Variants in YIPF4 observed in about 807,000 individuals in gnomAD.
YIPF4 encodes protein YIPF4.
Under a neutral mutation model 29.4 loss-of-function variants are expected in YIPF4, and 18 were observed. The observed-to-expected ratio is 0.61, with a 90% CI of 0.42 to 0.91. YIPF4 has a LOEUF of 0.91. Ranked by LOEUF, YIPF4 falls within the 40% of genes least tolerant of loss-of-function variation. The pLI, the probability that YIPF4 is intolerant of heterozygous loss-of-function variation, is 0.00. For synonymous variants in YIPF4, 115 were observed against 104.7 expected (o/e 1.10, Z -0.60); for missense variants, 279 against 282.7 (o/e 0.99, Z 0.09).
In YIPF4 at chr2:32,305,469, CT is replaced by C; in HGVS notation, c.598-14del. 6.7e-6 allele frequency: 10 copies of C among 1,483,998 alleles called. No individual in the cohort carries two copies. The highest frequency in any genetic ancestry group is 2.5e-5 in the East Asian group (1 of 40,574). The allele number at this position is 1,483,998 out of a possible 1,614,324, so 91.9% of individuals were successfully genotyped here. A position where few individuals can be genotyped will look rare whatever the true frequency, so the allele number is the denominator to read the frequency against. On this transcript the variant is annotated intron_variant, in intron 5 of 5. Coordinates refer to ENST00000238831, the MANE Select transcript of YIPF4 (RefSeq NM_032312.4). The stretch of plus-strand genomic sequence containing the variant: ...GACTTGCTAATATGCTGCCTTTTGT[CT>C]TTTTTCCTTTTTTTAAAGCTGTTTG...
chr2:32,283,276 C>A (rs769969532), intron 1 of YIPF4, among the ~76,000 whole-genome samples: 15 of 152,160 alleles, frequency 9.9e-5, no homozygotes, highest in Non-Finnish European at 1.9e-4. Context: ...CGGGTCTTTT[C>A]CCTGGTTTCT....
chr2:32,301,298 G>T, intron 4 of YIPF4, 84 bp from the exon 5 acceptor site: 2 of 803,678 alleles, frequency 2.5e-6, no homozygotes, highest in Non-Finnish European at 4.2e-6. Flanking sequence ...TTTGAATACA[G>T]CAAGGAATAT....
At chr2:32,304,926 T>A (rs2031524987) in intron 5 of YIPF4, among the ~76,000 whole-genome samples, 1 of 152,178 alleles carries the variant, frequency 6.6e-6, no homozygotes, top group Non-Finnish European at 1.5e-5. Context: ...ATCTCCTTTT[T>A]ATTCAACCCT....
intron 3 of YIPF4, among the ~76,000 whole-genome samples, chr2:32,296,027 G>C (rs1033441245): frequency 6.6e-6 from 1 of 152,142 alleles, no homozygotes; most frequent in South Asian, 2.1e-4. Context: ...ATTTACACTA[G>C]ATTAGTAGTT....
chr2:32,279,124 C>A (rs572247971), intron 1 of YIPF4, among the ~76,000 whole-genome samples: 2 of 151,958 alleles, frequency 1.3e-5, no homozygotes, highest in East Asian at 3.9e-4. Flanking sequence ...CCCGCCACCA[C>A]CCCCGACTAA....
In YIPF4 at chr2:32,314,138, A is replaced by G. The variant is rs1170317397; in HGVS notation, c.*8512A>G. On this transcript the variant is annotated 3_prime_UTR_variant, in exon 6 of 6. Coordinates refer to ENST00000238831, the MANE Select transcript of YIPF4 (RefSeq NM_032312.4). Reference sequence around the variant, plus strand: ...ATTATTCAAATAGCCAAAAACGGGAACATGTCCATCAACACAGAATAGACA... The same window carrying G: ...ATTATTCAAATAGCCAAAAACGGGAGCATGTCCATCAACACAGAATAGACA... 10 of 152,266 alleles carry G rather than the reference A, an allele frequency of 6.6e-5. No homozygotes were observed. The highest frequency in any genetic ancestry group is 5.2e-4 in the Admixed American group (8 of 15,282). 9.4% of individuals were successfully genotyped at this position (152,266 alleles called of 1,614,324 possible).
rs888948023 is a variant in YIPF4, at chr2:32,278,026, C to T, written c.-130C>T. The stretch of plus-strand genomic sequence containing the variant: ...CCCGCTGTGCCCGTTTCTGGCCTCG[C>T]TCGCAGCTTGCACGTCGAGACTCGT... On this transcript the variant is annotated 5_prime_UTR_variant, in exon 1 of 6. Coordinates refer to ENST00000238831, the MANE Select transcript of YIPF4 (RefSeq NM_032312.4). 17 of 759,204 alleles carry T rather than the reference C, an allele frequency of 2.2e-5. No homozygotes were observed. In the African/African-American group the frequency reaches 3.2e-4, roughly 14 times the overall value. The allele number at this position is 759,204 out of a possible 1,614,324, so 47.0% of individuals were successfully genotyped here. A position where few individuals can be genotyped will look rare whatever the true frequency, so the allele number is the denominator to read the frequency against.
Position 32,309,706 on chromosome 2 carries a change from T to TC in YIPF4, c.*4080_*4081insC, listed in dbSNP as rs1414165227. ...CTTTTTTTTTTTTTTTTTTTTTTTT[T>TC]GGAGACGGAGTCTTGCTCTCTCGCC... is the stretch of plus-strand genomic sequence containing the variant. On this transcript the variant is annotated 3_prime_UTR_variant, in exon 6 of 6. Transcript: ENST00000238831. The TC allele has an allele frequency of 7.5e-6, 1 of 133,358 alleles. No homozygotes were observed. The highest frequency in any genetic ancestry group is 1.6e-5 in the Non-Finnish European group (1 of 61,872). The allele number at this position is 133,358 out of a possible 1,614,324, so 8.3% of individuals were successfully genotyped here. A position where few individuals can be genotyped will look rare whatever the true frequency, so the allele number is the denominator to read the frequency against.
At position 32,314,085 on chromosome 2, in the gene YIPF4, C is replaced by G. The variant is rs2148971208; in HGVS notation, c.*8459C>G. The G allele has an allele frequency of 6.6e-6, 1 of 152,174 alleles. No individual in the cohort carries two copies. Among genetic ancestry groups the G allele is most frequent in the East Asian group, 1.9e-4 (1 of 5,198 alleles). 9.4% of individuals were successfully genotyped at this position (152,174 alleles called of 1,614,324 possible). On this transcript the variant is annotated 3_prime_UTR_variant, in exon 6 of 6. Transcript: ENST00000238831. Reference sequence around the variant, plus strand: ...ATGCATGTACATGTACCATAAGAGACATATGTACAAGAATGTGCACAGTTA... The same window carrying G: ...ATGCATGTACATGTACCATAAGAGAGATATGTACAAGAATGTGCACAGTTA...
Position 32,278,166 on chromosome 2 carries a change from C to T in YIPF4, c.11C>T (p.Pro4Leu), listed in dbSNP as rs867928806. The T allele has an allele frequency of 6.4e-6, 10 of 1,564,768 alleles. No individual in the cohort carries two copies. The South Asian group carries it at 1.1e-4, about 17-fold the overall frequency. ...GGGAGTCGCCGCGAGATGCAGCCTC[C>T]GGGCCCGCCCCCGGCCTATGCCCCC... The part of the protein sequence containing the change: MQP[P>L]GPPPAYAPTN... The change falls in exon 1 of 6, where the codon CCG becomes CTG. Residue 4 changes from proline (P) to leucine (L), a missense_variant. Pro to Leu is a moderately conservative substitution (Grantham distance 98). Transcript: ENST00000238831.
intron 2 of YIPF4, among the ~76,000 whole-genome samples, chr2:32,291,865 T>TAA (rs1306472449): frequency 6.6e-6 from 1 of 152,110 alleles, no homozygotes; most frequent in African/African-American, 2.4e-5. Context: ...AAATTTTACT[T>TAA]AAAGTTTTCT....
At chr2:32,280,135 A>T (rs74360385) in intron 1 of YIPF4, among the ~76,000 whole-genome samples, 4,997 of 141,580 alleles carry the variant, frequency 0.035, 147 homozygotes, top group African/African-American at 0.099. Flanking sequence ...ATATATATAT[A>T]TTTTTTTTTT....
Position 32,306,573 on chromosome 2 carries a change from T to C in YIPF4, c.*947T>C. 1.0e-6 allele frequency: 1 copy of C among 985,342 alleles called. No individual in the cohort carries two copies. The highest frequency in any genetic ancestry group is 1.2e-6 in the Non-Finnish European group (1 of 829,836). 61.0% of individuals were successfully genotyped at this position (985,342 alleles called of 1,614,324 possible). On this transcript the variant is annotated 3_prime_UTR_variant, in exon 6 of 6. Coordinates refer to ENST00000238831, the MANE Select transcript of YIPF4 (RefSeq NM_032312.4). ...AAAAATAAAATACTTCCCAGTTGTG[T>C]GTTTTGTTTTACAGCACCATGTCCT...
At chr2:32,294,924 A>C (rs1328037715) in intron 3 of YIPF4, among the ~76,000 whole-genome samples, 2 of 152,124 alleles carry the variant, frequency 1.3e-5, no homozygotes, top group East Asian at 1.9e-4. Flanking sequence ...AAAACCAGTC[A>C]GGCGTGGCGG....
At position 32,306,196 on chromosome 2, in the gene YIPF4, G is replaced by T. The variant is rs2031577278; in HGVS notation, c.*570G>T. The T allele has an allele frequency of 1.1e-6, 1 of 870,218 alleles. No individual in the cohort carries two copies. Among genetic ancestry groups the T allele is most frequent in the African/African-American group, 1.8e-5 (1 of 54,710 alleles). 53.9% of individuals were successfully genotyped at this position (870,218 alleles called of 1,614,324 possible). A position where few individuals can be genotyped will look rare whatever the true frequency, so the allele number is the denominator to read the frequency against. On this transcript the variant is annotated 3_prime_UTR_variant, in exon 6 of 6. Coordinates refer to ENST00000238831, the MANE Select transcript of YIPF4 (RefSeq NM_032312.4). ...AAAATTTAAATTTGTTTTTAAAATTGTATATAGTTTTTAAAATCTCACACA... is the reference window on the plus strand; with the variant it reads ...AAAATTTAAATTTGTTTTTAAAATTTTATATAGTTTTTAAAATCTCACACA...
rs2030835511 is a variant in YIPF4, at chr2:32,289,806, G to A, written c.80-677G>A. 4.0e-5 allele frequency among the ~76,000 whole-genome samples: 6 copies of A among 151,868 alleles called. No homozygotes were observed. The South Asian group carries it at 1.2e-3, about 31-fold the overall frequency. On this transcript the variant is annotated intron_variant, in intron 1 of 5. Coordinates refer to ENST00000238831, the MANE Select transcript of YIPF4 (RefSeq NM_032312.4). ...CCGACCTAAAAAATAAAAACAAAAA[G>A]AAAACATAGCCTTTATTTATTTTTG... is the stretch of plus-strand genomic sequence containing the variant.
At position 32,296,479 on chromosome 2, in the gene YIPF4, A is replaced by G. The variant is rs571491384; in HGVS notation, c.406-1755A>G. On this transcript the variant is annotated intron_variant, in intron 3 of 5. Transcript: ENST00000238831. ...GAGCAAGACTCAGTCTCAAAAAAAA[A>G]AAAAAGGAAAAAAAACCCCAGAAGA... 1.1e-4 allele frequency among the ~76,000 whole-genome samples: 16 copies of G among 152,112 alleles called. No homozygotes were observed. The South Asian group carries it at 3.3e-3, about 32-fold the overall frequency.
intron 1 of YIPF4, among the ~76,000 whole-genome samples, chr2:32,281,929 G>T (rs990954624): frequency 1.4e-5 from 2 of 147,592 alleles, no homozygotes; most frequent in African/African-American, 2.5e-5. Context: ...AACCATGGTA[G>T]TGCACACCTG....
chr2:32,287,199 C>T (rs1199430958), intron 1 of YIPF4, among the ~76,000 whole-genome samples: 2 of 152,138 alleles, frequency 1.3e-5, no homozygotes, highest in African/African-American at 4.8e-5. Context: ...GAGTTGTGAT[C>T]ATGGCACTGC....
Sources: gnomAD v4.1 joint callset for allele counts (sites outside exome capture counted in the v4.1 genomes callset) on GRCh38, gnomAD v4.1.1 for gene constraint, MANE v1.5 for transcripts, NCBI Gene and HGNC (gene_info 2026-07-23, HGNC 2026-07-21) for gene names.